Variants in SLC35F2 observed in about 807,000 individuals in gnomAD.
SLC35F2 encodes the protein solute carrier family 35 member F2.
In SLC35F2, 25 loss-of-function variants were observed where a neutral mutation model predicts 38.1. That is an observed-to-expected ratio of 0.66 (90% CI 0.48 to 0.92). The LOEUF (loss-of-function observed/expected upper bound fraction) is 0.92. Among genes scored for constraint, SLC35F2 ranks in the 40% least tolerant of loss-of-function variants. SLC35F2 has a pLI of 0.00. For synonymous variants in SLC35F2, 173 were observed against 181.7 expected (o/e 0.95, Z 0.38); for missense variants, 409 against 452.9 (o/e 0.90, Z 0.88).
chr11:107,830,514 G>A (rs1859822241), intron 1 of SLC35F2, among the ~76,000 whole-genome samples: 1 of 150,650 alleles, frequency 6.6e-6, no homozygotes, highest in African/African-American at 2.4e-5. Context: ...AACCTGGGAG[G>A]CGGAGCTTGC....
chr11:107,808,654 A>G (rs1859433879), intron 3 of SLC35F2, among the ~76,000 whole-genome samples: 1 of 152,198 alleles, frequency 6.6e-6, no homozygotes, highest in African/African-American at 2.4e-5. Flanking sequence ...TCACTGCAGT[A>G]GCATCAGTGG....
At chr11:107,827,076 G>T (rs1256922595) in intron 1 of SLC35F2, among the ~76,000 whole-genome samples, 1 of 151,962 alleles carries the variant, frequency 6.6e-6, no homozygotes, top group Non-Finnish European at 1.5e-5. Flanking sequence ...TATTCATTGG[G>T]ATATATAGAA....
intron 1 of SLC35F2, among the ~76,000 whole-genome samples, chr11:107,835,889 AGGT>A (rs1202452100): frequency 1.3e-5 from 2 of 152,182 alleles, no homozygotes; most frequent in Non-Finnish European, 2.9e-5. Flanking sequence ...GAGATGTACA[AGGT>A]AGGATGAGAT....
At chr11:107,846,270 C>A (rs896045535) in intron 1 of SLC35F2, among the ~76,000 whole-genome samples, 2 of 151,142 alleles carry the variant, frequency 1.3e-5, no homozygotes, top group Non-Finnish European at 2.9e-5. Context: ...AAAAATCAGA[C>A]AAATAATCCA....
At chr11:107,794,733 G>A (rs2134755495) in intron 7 of SLC35F2, among the ~76,000 whole-genome samples, 1 of 152,176 alleles carries the variant, frequency 6.6e-6, no homozygotes, top group South Asian at 2.1e-4. Flanking sequence ...GAAATAAGAG[G>A]CATCCAAATT....
intron 1 of SLC35F2, among the ~76,000 whole-genome samples, chr11:107,830,497 T>C (rs529466621): frequency 1.4e-5 from 2 of 145,424 alleles, no homozygotes; most frequent in South Asian, 4.3e-4. Flanking sequence ...GGCAGGAGAA[T>C]GGCGTGAACC....
At chr11:107,845,395 TG>T (rs1156667189) in intron 1 of SLC35F2, among the ~76,000 whole-genome samples, 5 of 151,452 alleles carry the variant, frequency 3.3e-5, no homozygotes, top group Admixed American at 6.6e-5. Context: ...CCGGGCAACA[TG>T]GCAAAACCCA....
intron 7 of SLC35F2, among the ~76,000 whole-genome samples, chr11:107,797,607 T>G (rs950054927): frequency 2.6e-5 from 4 of 152,176 alleles, no homozygotes; most frequent in African/African-American, 9.6e-5. Context: ...AAATGAGTAT[T>G]AAGTAGATTG....
chr11:107,830,632 T>C lies in SLC35F2; in HGVS notation c.111-14667A>G, dbSNP rs1859825113. Among the ~76,000 whole-genome samples the C allele has an allele frequency of 1.3e-5, 2 of 151,866 alleles. 1 individual carries two copies. Among genetic ancestry groups the C allele is most frequent in the South Asian group, 4.1e-4 (2 of 4,828 alleles). ...AAAAAAAAGAGAACAGCCTCTACTT[T>C]TATTTGAATGTTCCCATAAAATTTT... On this transcript the variant is annotated intron_variant, in intron 1 of 7. Transcript: ENST00000525815.
intron 1 of SLC35F2, among the ~76,000 whole-genome samples, chr11:107,837,572 T>C (rs923912065): frequency 1.3e-5 from 2 of 150,560 alleles, no homozygotes; most frequent in African/African-American, 4.9e-5. Flanking sequence ...CACAGACCTG[T>C]AATCCCAGCT....
intron 1 of SLC35F2, among the ~76,000 whole-genome samples, chr11:107,844,525 G>A (rs915304911): frequency 4.3e-5 from 5 of 117,634 alleles, no homozygotes; most frequent in Admixed American, 9.9e-5. Context: ...CTCAGGAGGC[G>A]GAAGCAGAAT....
intron 1 of SLC35F2, among the ~76,000 whole-genome samples, chr11:107,849,477 A>G (rs1196713929): frequency 6.6e-6 from 1 of 152,030 alleles, no homozygotes; most frequent in African/African-American, 2.4e-5. Flanking sequence ...CGTCTCTACT[A>G]AAAATGCAAA....
chr11:107,831,441 T>C (rs1424288793), intron 1 of SLC35F2, among the ~76,000 whole-genome samples: 1 of 152,110 alleles, frequency 6.6e-6, no homozygotes, highest in African/African-American at 2.4e-5. Flanking sequence ...CCCAGGCTGG[T>C]CTCAAACTCC....
intron 1 of SLC35F2, among the ~76,000 whole-genome samples, chr11:107,855,419 G>A (rs776087692): frequency 9.9e-5 from 15 of 152,226 alleles, no homozygotes; most frequent in East Asian, 1.9e-4. Flanking sequence ...TTGGGAGGCC[G>A]AGGCGGGCGG....
chr11:107,809,905 C>T (rs1490004212), intron 3 of SLC35F2: 11 of 985,240 alleles, frequency 1.1e-5, no homozygotes, highest in Non-Finnish European at 1.3e-5. Flanking sequence ...GGAGAAGGAG[C>T]AGGCCATGAG....
chr11:107,831,886 T>C (rs888591597), intron 1 of SLC35F2, among the ~76,000 whole-genome samples: 1 of 152,212 alleles, frequency 6.6e-6, no homozygotes, highest in African/African-American at 2.4e-5. Context: ...CCTTCTTATC[T>C]ACTACTCTAG....
intron 3 of SLC35F2, chr11:107,810,520 G>T (rs1338546722): frequency 4.1e-6 from 4 of 984,984 alleles, no homozygotes; most frequent in African/African-American, 1.7e-5. Context: ...ATTAACCAAC[G>T]CTAAAAGTAC....
intron 1 of SLC35F2, among the ~76,000 whole-genome samples, chr11:107,856,361 A>C (rs1216019281): frequency 6.6e-6 from 1 of 152,082 alleles, no homozygotes; most frequent in Non-Finnish European, 1.5e-5. Context: ...ACAGCACTAC[A>C]AGGTAGGTAC....
intron 1 of SLC35F2, among the ~76,000 whole-genome samples, chr11:107,820,082 C>G (rs1411501978): frequency 6.6e-6 from 1 of 151,618 alleles, no homozygotes; most frequent in Non-Finnish European, 1.5e-5. Context: ...ATGGTGAAAC[C>G]CAGTCTCTAC....
Sources: allele counts gnomAD v4.1 joint callset (sites outside exome capture counted in the v4.1 genomes callset), GRCh38; gene constraint gnomAD v4.1.1; transcripts MANE v1.5; gene names NCBI Gene and HGNC (gene_info 2026-07-23, HGNC 2026-07-21).